Variants in RSRC1 observed in about 807,000 individuals in gnomAD.
The protein encoded by RSRC1 is arginine and serine rich coiled-coil 1.
In RSRC1, 39 loss-of-function variants were observed where a neutral mutation model predicts 49.1. The observed-to-expected ratio is 0.79, with a 90% CI of 0.61 to 1.04. The LOEUF is 1.04. Among genes scored for constraint, RSRC1 ranks in the 50% least tolerant of loss-of-function variants. RSRC1 has a pLI of 0.00. For synonymous variants in RSRC1, 143 were observed against 130.8 expected, an observed-to-expected ratio of 1.09 and a Z score of -0.63; for missense variants, 388 against 402.4, an observed-to-expected ratio of 0.96 and a Z score of 0.31.
At chr3:158,343,705 A>T (rs772110535) in intron 5 of RSRC1, among the ~76,000 whole-genome samples, 1 of 152,176 alleles carries the variant, frequency 6.6e-6, no homozygotes, top group African/African-American at 2.4e-5. Flanking sequence ...AGATTAGGGG[A>T]TATGATACAT....
chr3:158,424,300 T>G (rs1264188860), intron 6 of RSRC1, among the ~76,000 whole-genome samples: 1 of 151,664 alleles, frequency 6.6e-6, no homozygotes, highest in African/African-American at 2.4e-5. Flanking sequence ...GGTTGTTGAA[T>G]TTTGTCAAAG....
chr3:158,427,642 A>G (rs923021540), intron 6 of RSRC1, among the ~76,000 whole-genome samples: 1 of 151,850 alleles, frequency 6.6e-6, no homozygotes, highest in Non-Finnish European at 1.5e-5. Context: ...ATGGAAATTT[A>G]GTGTATATGA....
At position 158,526,893 on chromosome 3, in the gene RSRC1, CATA is replaced by C. The variant is rs898471716; in HGVS notation, c.653-10194_653-10192del. On this transcript the variant is annotated intron_variant, in intron 7 of 9. Transcript: ENST00000611884. ...GACTTAAGCTGTCTGCTTTTCCTTG[CATA>C]ATAAGTCCCCTGGTTCAGGGAATCC... is the stretch of plus-strand genomic sequence containing the variant. 4.6e-5 allele frequency among the ~76,000 whole-genome samples: 7 copies of C among 151,960 alleles called. No homozygotes were observed. In the South Asian group the frequency reaches 1.0e-3, roughly 23 times the overall value.
chr3:158,444,185 A>G (rs1736550029), intron 6 of RSRC1, among the ~76,000 whole-genome samples: 1 of 152,216 alleles, frequency 6.6e-6, no homozygotes, highest in East Asian at 1.9e-4. Context: ...GCCAAAAATG[A>G]GCCCACATTG....
intron 6 of RSRC1, among the ~76,000 whole-genome samples, chr3:158,455,857 G>A (rs185095953): frequency 6.6e-6 from 1 of 151,840 alleles, no homozygotes; most frequent in African/African-American, 2.4e-5. Context: ...GTGCATGCCT[G>A]TAATCCCAGC....
intron 6 of RSRC1, among the ~76,000 whole-genome samples, chr3:158,438,975 A>C (rs1327650060): frequency 6.6e-6 from 1 of 151,220 alleles, no homozygotes; most frequent in African/African-American, 2.4e-5. Flanking sequence ...TTATAAGAAA[A>C]AAACAACCCC....
chr3:158,355,450 G>C (rs938510854), intron 6 of RSRC1, among the ~76,000 whole-genome samples: 1 of 151,654 alleles, frequency 6.6e-6, no homozygotes, highest in Non-Finnish European at 1.5e-5. Context: ...GTAATGTTTA[G>C]GTTGAGATTT....
At chr3:158,455,187 A>G (rs1222158602) in intron 6 of RSRC1, among the ~76,000 whole-genome samples, 1 of 151,996 alleles carries the variant, frequency 6.6e-6, no homozygotes, top group Non-Finnish European at 1.5e-5. Context: ...TCATTTTTCT[A>G]TGCTTTTGTT....
intron 7 of RSRC1, among the ~76,000 whole-genome samples, chr3:158,495,407 C>T (rs965359089): frequency 1.3e-5 from 2 of 152,202 alleles, no homozygotes; most frequent in Admixed American, 1.3e-4. Context: ...ACCTCAGCCT[C>T]CTGAGTAGCT....
chr3:158,503,714 G>C (rs980934910), intron 7 of RSRC1, among the ~76,000 whole-genome samples: 1 of 150,362 alleles, frequency 6.7e-6, no homozygotes. Flanking sequence ...GCAAACCGAA[G>C]GGCTGGTCTG....
intron 3 of RSRC1, among the ~76,000 whole-genome samples, chr3:158,152,942 A>G (rs909152336): frequency 6.6e-6 from 1 of 152,162 alleles, no homozygotes; most frequent in African/African-American, 2.4e-5. Context: ...AATAACCCTA[A>G]CACTTGGAAA....
intron 5 of RSRC1, among the ~76,000 whole-genome samples, chr3:158,324,791 C>A (rs1054611981): frequency 2.0e-5 from 3 of 152,130 alleles, no homozygotes; most frequent in African/African-American, 7.2e-5. Context: ...AGTTCTAGAT[C>A]CTTGAGGAAT....
chr3:158,221,197 G>C (rs1578210350), intron 4 of RSRC1, among the ~76,000 whole-genome samples: 1 of 151,618 alleles, frequency 6.6e-6, no homozygotes, highest in East Asian at 1.9e-4. Flanking sequence ...AGATAATCAG[G>C]CTTTGGAACT....
chr3:158,366,993 T>C (rs1403664683), intron 6 of RSRC1, among the ~76,000 whole-genome samples: 1 of 152,236 alleles, frequency 6.6e-6, no homozygotes, highest in African/African-American at 2.4e-5. Context: ...ATATTGATTT[T>C]ATATCCTGAG....
intron 5 of RSRC1, among the ~76,000 whole-genome samples, chr3:158,318,158 A>G (rs1472318368): frequency 6.6e-6 from 1 of 152,108 alleles, no homozygotes; most frequent in African/African-American, 2.4e-5. Flanking sequence ...AAGCCAAAAA[A>G]TTGACAACCC....
chr3:158,224,417 G>C (rs1722403385), intron 4 of RSRC1, among the ~76,000 whole-genome samples: 1 of 151,694 alleles, frequency 6.6e-6, no homozygotes, highest in Non-Finnish European at 1.5e-5. Context: ...GTTTATAATA[G>C]TGTTCAATAT....
intron 3 of RSRC1, among the ~76,000 whole-genome samples, chr3:158,196,539 T>C (rs1424544421): frequency 6.6e-6 from 1 of 152,152 alleles, no homozygotes; most frequent in Non-Finnish European, 1.5e-5. Flanking sequence ...AACACTATGT[T>C]GAATAGGAGT....
chr3:158,495,806 G>A (rs1179015494), intron 7 of RSRC1, among the ~76,000 whole-genome samples: 3 of 152,188 alleles, frequency 2.0e-5, no homozygotes, highest in East Asian at 3.8e-4. Context: ...CAATGGCTGC[G>A]TTTGTGCTGC....
intron 3 of RSRC1, among the ~76,000 whole-genome samples, chr3:158,179,651 A>C (rs2108250134): frequency 6.6e-6 from 1 of 152,064 alleles, no homozygotes; most frequent in Admixed American, 6.5e-5. Flanking sequence ...ATCCATTGAA[A>C]GTTTTTTTTC....
Sources: gnomAD v4.1 joint callset for allele counts (sites outside exome capture counted in the v4.1 genomes callset) on GRCh38, gnomAD v4.1.1 for gene constraint, MANE v1.5 for transcripts, NCBI Gene and HGNC (gene_info 2026-07-23, HGNC 2026-07-21) for gene names.